DCDC1: variants seen among roughly 807,000 people sequenced by gnomAD.
The protein encoded by DCDC1 is doublecortin domain-containing protein 1.
DCDC1 carries 200 observed loss-of-function variants against 178.3 expected under a neutral mutation model. The ratio of observed to expected loss-of-function variants is 1.12; its 90% confidence interval spans 1.00 to 1.26. DCDC1 has a LOEUF of 1.26. Among genes scored for constraint, DCDC1 ranks in the 50% most tolerant of loss-of-function variants. DCDC1 has a pLI of 0.00. For synonymous variants in DCDC1, 690 were observed against 604.8 expected, an observed-to-expected ratio of 1.14 and a Z score of -2.07; for missense variants, 1,983 against 1,749.2, an observed-to-expected ratio of 1.13 and a Z score of -2.38.
chr11:31,140,048 G>T (rs1258761372), intron 9 of DCDC1, among the ~76,000 whole-genome samples: 2 of 152,192 alleles, frequency 1.3e-5, no homozygotes, highest in Non-Finnish European at 2.9e-5. Flanking sequence ...TTTTCAGCCT[G>T]AGGTATTAAT....
chr11:31,361,517 T>C (rs1328292309), intron 1 of DCDC1, among the ~76,000 whole-genome samples: 2 of 152,176 alleles, frequency 1.3e-5, no homozygotes, highest in Admixed American at 1.3e-4. Context: ...AGTCTTGCCC[T>C]GTTGCCCAGG....
intron 20 of DCDC1, among the ~76,000 whole-genome samples, chr11:30,977,978 T>C (rs1950191598): frequency 6.6e-6 from 1 of 152,176 alleles, no homozygotes; most frequent in African/African-American, 2.4e-5. Context: ...CAAAGAATAT[T>C]AGCACTTAAA....
At chr11:31,042,615 G>T (rs562436938) in intron 20 of DCDC1, among the ~76,000 whole-genome samples, 1 of 151,808 alleles carries the variant, frequency 6.6e-6, no homozygotes, top group East Asian at 1.9e-4. Context: ...CACTATGACC[G>T]CTTCACACTA....
intron 38 of DCDC1, among the ~76,000 whole-genome samples, chr11:30,876,973 T>C (rs192712242): frequency 6.6e-6 from 1 of 152,142 alleles, no homozygotes; most frequent in Non-Finnish European, 1.5e-5. Flanking sequence ...ACATGCAATC[T>C]TTTTCTCCTA....
At chr11:30,873,677 C>G (rs1011787356) in intron 38 of DCDC1, among the ~76,000 whole-genome samples, 1 of 152,124 alleles carries the variant, frequency 6.6e-6, no homozygotes, top group Non-Finnish European at 1.5e-5. Flanking sequence ...AAGAGATGTT[C>G]AAGTAGCTCC....
intron 8 of DCDC1, chr11:31,263,210 C>T (rs1197957226): frequency 1.3e-6 from 1 of 749,186 alleles, no homozygotes; most frequent in Non-Finnish European, 2.0e-6. Flanking sequence ...GTTTTAATTC[C>T]AGGTGAACTG....
chr11:31,158,409 G>T (rs577284045), intron 9 of DCDC1, among the ~76,000 whole-genome samples: 1 of 151,990 alleles, frequency 6.6e-6, no homozygotes, highest in Non-Finnish European at 1.5e-5. Context: ...GAGCCACCGC[G>T]CCTGGCCAAG....
In DCDC1 at chr11:31,332,751, T is replaced by C. The variant is rs1053229511; in HGVS notation, c.-7+2696A>G. Among the ~76,000 whole-genome samples, 4 of 152,342 alleles carry C rather than the reference T, an allele frequency of 2.6e-5. No homozygotes were observed. In the East Asian group the frequency reaches 7.7e-4, roughly 29 times the overall value. ...GCACTGTGGTCTGAGAGACAGTTCG[T>C]TGTGATTTCTGTTCTTTCACATTTG... On this transcript the variant is annotated intron_variant, in intron 2 of 38. Transcript: ENST00000684477.
intron 9 of DCDC1, among the ~76,000 whole-genome samples, chr11:31,158,170 G>A (rs879070611): frequency 6.6e-6 from 1 of 151,966 alleles, no homozygotes. Context: ...GTGCAGTGGC[G>A]CAATCTCGGC....
chr11:31,269,882 T>C (rs756691787), intron 7 of DCDC1, among the ~76,000 whole-genome samples: 1 of 152,198 alleles, frequency 6.6e-6, no homozygotes, highest in Non-Finnish European at 1.5e-5. Flanking sequence ...TTGCAGCTCC[T>C]GGAATGGCCA....
chr11:30,995,373 A>G (rs1461362895), intron 20 of DCDC1, among the ~76,000 whole-genome samples: 1 of 152,134 alleles, frequency 6.6e-6, no homozygotes, highest in East Asian at 1.9e-4. Flanking sequence ...TCCAATAAAA[A>G]TCCCAGCAAA....
At chr11:31,157,929 G>T (rs940113509) in intron 9 of DCDC1, among the ~76,000 whole-genome samples, 1 of 151,998 alleles carries the variant, frequency 6.6e-6, no homozygotes, top group African/African-American at 2.4e-5. Flanking sequence ...AATAAAATTT[G>T]TATATATTTT....
chr11:31,258,604 C>A (rs139882465), intron 8 of DCDC1, among the ~76,000 whole-genome samples: 160 of 152,286 alleles, frequency 1.1e-3, no homozygotes, highest in African/African-American at 3.7e-3. Flanking sequence ...CATTAAAAAA[C>A]TGAGGAAAGA....
intron 36 of DCDC1, 149 bp downstream of exon 36, chr11:30,892,669 G>C: frequency 1.2e-6 from 1 of 865,790 alleles, no homozygotes; most frequent in Non-Finnish European, 1.8e-6. Flanking sequence ...TCAATCATGA[G>C]ATCAATCCTA....
intron 20 of DCDC1, among the ~76,000 whole-genome samples, chr11:31,026,376 A>G (rs528455579): frequency 3.5e-4 from 53 of 151,948 alleles, no homozygotes; most frequent in African/African-American, 1.2e-3. Flanking sequence ...CATAACAGAA[A>G]TGATCACCAA....
chr11:31,332,976 T>C (rs1335800510), intron 2 of DCDC1, among the ~76,000 whole-genome samples: 1 of 152,202 alleles, frequency 6.6e-6, no homozygotes, highest in Non-Finnish European at 1.5e-5. Context: ...ATACTGACAG[T>C]GGGGTGTTAA....
chr11:31,137,841 C>A, intron 9 of DCDC1, 57 bp from the exon 10 acceptor site: 1 of 672,514 alleles, frequency 1.5e-6, no homozygotes, highest in South Asian at 1.6e-5. Flanking sequence ...CTAATAGCAA[C>A]ATTTATTCAA....
intron 1 of DCDC1, among the ~76,000 whole-genome samples, chr11:31,356,006 T>G (rs1020391295): frequency 2.6e-5 from 4 of 152,176 alleles, no homozygotes; most frequent in Admixed American, 2.6e-4. Context: ...TGAGTAACTA[T>G]TCCCAATCGC....
chr11:31,310,301 ATTCTTGATTTTTTTTT>A (rs1279204284), intron 3 of DCDC1, among the ~76,000 whole-genome samples: 3 of 108,836 alleles, frequency 2.8e-5, no homozygotes, highest in African/African-American at 1.3e-4. Context: ...GTTTTCAGTA[ATTCTTGATTTTTTTTT>A]TTTTTTTTTT....
Sources: allele counts gnomAD v4.1 joint callset (sites outside exome capture counted in the v4.1 genomes callset), GRCh38; gene constraint gnomAD v4.1.1; transcripts MANE v1.5; gene names NCBI Gene and HGNC (gene_info 2026-07-23, HGNC 2026-07-21).